The following RSRP1 variants were observed in gnomAD, a reference collection of about 807,000 sequenced individuals.
RSRP1 encodes arginine and serine rich protein 1, also known as arginine/serine-rich protein 1.
In RSRP1, 37 loss-of-function variants were observed where a neutral mutation model predicts 33.0. The observed-to-expected ratio is 1.12, with a 90% confidence interval of 0.86 to 1.48. The LOEUF is 1.48. Among genes scored for constraint, RSRP1 ranks in the 40% most tolerant of loss-of-function variants. The pLI is 0.00. For synonymous variants in RSRP1, 167 were observed against 158.7 expected (o/e 1.05, Z -0.40); for missense variants, 402 against 385.3 (o/e 1.04, Z -0.36).
At chr1:25,267,697 G>A (rs1571548890) in intron 1 of RSRP1, 1 of 132,464 alleles carries the variant, frequency 7.5e-6, no homozygotes, top group African/African-American at 2.6e-5. Flanking sequence ...CCACCCCTGA[G>A]AGGGCTGCGC....
rs1483730082 is a variant in RSRP1 at position 25,291,944 on chromosome 1, A to G, written c.-66-44915T>C. 1.5e-5 allele frequency among the ~76,000 whole-genome samples: 2 copies of G among 132,498 alleles called. 1 individual carries two copies. The highest frequency in any genetic ancestry group is 3.6e-5 in the Non-Finnish European group (2 of 55,876). The allele number at this position is 132,498 out of a possible 152,430, so 86.9% of individuals were successfully genotyped here. Reference sequence around the variant, plus strand: ...AGATCACATAGCAAGATAGTGGCAGAACCCAAGCGAGAACCCACAGTTCCA... The same window carrying G: ...AGATCACATAGCAAGATAGTGGCAGGACCCAAGCGAGAACCCACAGTTCCA... On this transcript the variant is annotated intron_variant, in intron 1 of 1. Transcript: ENST00000561867.
intron 1 of RSRP1, among the ~76,000 whole-genome samples, chr1:25,280,328 TG>T: frequency 8.3e-6 from 1 of 119,842 alleles, no homozygotes; most frequent in East Asian, 2.0e-4. Flanking sequence ...TTTTTTGAGC[TG>T]CAGTCTCACT....
chr1:25,244,197 C>A (rs1404699452), intron 3 of RSRP1: 2 of 1,289,036 alleles, frequency 1.6e-6, no homozygotes, highest in Non-Finnish European at 2.0e-6. Flanking sequence ...GTGAAGCAGG[C>A]CTCCTCTTCT....
At position 25,306,572 on chromosome 1, in the gene RSRP1, G is replaced by A; in HGVS notation, c.-67+31406C>T. 2.2e-6 allele frequency: 3 copies of A among 1,376,098 alleles called. 1 individual carries two copies. In the South Asian group the frequency reaches 3.5e-5, roughly 16 times the overall value. 85.2% of individuals were successfully genotyped at this position (1,376,098 alleles called of 1,614,324 possible). A position where few individuals can be genotyped will look rare whatever the true frequency, so the allele number is the denominator to read the frequency against. On this transcript the variant is annotated intron_variant, in intron 1 of 1. Transcript: ENST00000561867. ...GAATATGGGTCTCACCTGCCAATCT[G>A]CTTATAATAACACTTGTCCACAGGG...
intron 1 of RSRP1, among the ~76,000 whole-genome samples, chr1:25,287,025 G>A (rs1166257411): frequency 7.4e-6 from 1 of 134,776 alleles, no homozygotes; most frequent in East Asian, 1.9e-4. Context: ...CCCGGGAGGC[G>A]GAGGCTATAG....
At position 25,269,483 on chromosome 1, in the gene RSRP1, T is replaced by C. The variant is rs1163606285; in HGVS notation, c.-66-22454A>G. ...GTGCTTTTTTCCCAGCATTTTATTATGAAAAATTTCAAACATCTACCAAAA... is the reference window on the plus strand; with the variant it reads ...GTGCTTTTTTCCCAGCATTTTATTACGAAAAATTTCAAACATCTACCAAAA... On this transcript the variant is annotated intron_variant, in intron 1 of 1. Transcript: ENST00000561867. Among the ~76,000 whole-genome samples, 4 of 132,664 alleles carry C rather than the reference T, an allele frequency of 3.0e-5. 1 individual carries two copies. The highest frequency in any genetic ancestry group is 7.1e-5 in the Non-Finnish European group (4 of 55,982). 87.0% of individuals were successfully genotyped at this position (132,664 alleles called of 152,430 possible). A position where few individuals can be genotyped will look rare whatever the true frequency, so the allele number is the denominator to read the frequency against.
At position 25,244,956 on chromosome 1, in the gene RSRP1, C is replaced by T. The variant is rs897844185; in HGVS notation, c.672+194G>A. 8.0e-5 allele frequency: 116 copies of T among 1,447,846 alleles called. No individual in the cohort carries two copies. The African/African-American group carries it at 1.4e-3, about 18-fold the overall frequency. 89.7% of individuals were successfully genotyped at this position (1,447,846 alleles called of 1,614,324 possible). On this transcript the variant is annotated intron_variant, in intron 3 of 4. Transcript: ENST00000243189. ...CATTACAGGCATGAGGCACCATGCACGGCCAAATAAAGCTCATTAATCTCC... is the reference window on the plus strand; with the variant it reads ...CATTACAGGCATGAGGCACCATGCATGGCCAAATAAAGCTCATTAATCTCC...
intron 1 of RSRP1, chr1:25,290,871 A>T: frequency 7.8e-7 from 1 of 1,284,366 alleles, no homozygotes; most frequent in Non-Finnish European, 1.1e-6. Context: ...GGGTTTTGAA[A>T]AATAAAGACA....
chr1:25,264,212 C>T (rs1640249792), intron 1 of RSRP1, among the ~76,000 whole-genome samples: 2 of 152,086 alleles, frequency 1.3e-5, no homozygotes, highest in Non-Finnish European at 2.9e-5. Flanking sequence ...CTAGGTGGTG[C>T]CCCAGTAGGG....
At chr1:25,281,896 A>T (rs1268385302) in intron 1 of RSRP1, among the ~76,000 whole-genome samples, 1 of 132,364 alleles carries the variant, frequency 7.6e-6, no homozygotes, top group Non-Finnish European at 1.8e-5. Context: ...TGTATGTTTC[A>T]ATGGAAGTGA....
At chr1:25,321,341 C>G (rs984734257) in intron 1 of RSRP1, among the ~76,000 whole-genome samples, 2 of 109,322 alleles carry the variant, frequency 1.8e-5, no homozygotes, top group Admixed American at 1.8e-4. Context: ...ATTCCCAGTT[C>G]TTTTTTTCAA....
chr1:25,246,292 A>C, intron 2 of RSRP1, 152 bp downstream of exon 2: 1 of 1,254,746 alleles, frequency 8.0e-7, no homozygotes, highest in Admixed American at 2.3e-5. Flanking sequence ...CTGTCCACTT[A>C]AATACAGGTA....
intron 1 of RSRP1, chr1:25,307,904 T>C: frequency 9.6e-7 from 1 of 1,046,050 alleles, no homozygotes; most frequent in South Asian, 1.4e-5. Flanking sequence ...TGTCTGCCAC[T>C]GTCTTAATAA....
chr1:25,321,169 T>G (rs1390522062), intron 1 of RSRP1, among the ~76,000 whole-genome samples: 1 of 129,938 alleles, frequency 7.7e-6, no homozygotes, highest in Non-Finnish European at 1.8e-5. Context: ...TCCCAGGAGT[T>G]GACTGGAGCC....
rs1643611810 is a variant in RSRP1, at chr1:25,304,148, C to T, written c.-67+33830G>A. Among the ~76,000 whole-genome samples the T allele has an allele frequency of 2.4e-5, 2 of 81,724 alleles. 1 individual carries two copies. Among genetic ancestry groups the T allele is most frequent in the Non-Finnish European group, 5.9e-5 (2 of 34,018 alleles). The allele number at this position is 81,724 out of a possible 152,430, so 53.6% of individuals were successfully genotyped here. A position where few individuals can be genotyped will look rare whatever the true frequency, so the allele number is the denominator to read the frequency against. On this transcript the variant is annotated intron_variant, in intron 1 of 1. Coordinates refer to the RSRP1 transcript ENST00000561867. ...AATACTCAGCAAATCCTGATCGTTCCAGAATACTTCATTATAGCCAATTGG... is the reference window on the plus strand; with the variant it reads ...AATACTCAGCAAATCCTGATCGTTCTAGAATACTTCATTATAGCCAATTGG...
chr1:25,319,099 T>C lies in RSRP1; in HGVS notation c.-67+18879A>G, dbSNP rs1201097521. Among the ~76,000 whole-genome samples, 7 of 132,604 alleles carry C rather than the reference T, an allele frequency of 5.3e-5. 2 individuals carry two copies. Among genetic ancestry groups the C allele is most frequent in the African/African-American group, 1.8e-4 (7 of 38,886 alleles). The allele number at this position is 132,604 out of a possible 152,430, so 87.0% of individuals were successfully genotyped here. On this transcript the variant is annotated intron_variant, in intron 1 of 1. Transcript: ENST00000561867. ...TTTGAAATGAATTGGGTATCCTGCA[T>C]TTTATTTGGCAACCCTGTCCTGGGA...
chr1:25,261,330 T>C (rs1239226094), intron 1 of RSRP1, among the ~76,000 whole-genome samples: 4 of 152,160 alleles, frequency 2.6e-5, no homozygotes, highest in Admixed American at 1.3e-4. Context: ...TATGCATAAA[T>C]GTCCTCAGTG....
chr1:25,252,596 C>T (rs1487785724), intron 1 of RSRP1, among the ~76,000 whole-genome samples: 1 of 150,150 alleles, frequency 6.7e-6, no homozygotes, highest in South Asian at 2.1e-4. Flanking sequence ...TGCAATGGCA[C>T]GATCTCGGCT....
intron 1 of RSRP1, among the ~76,000 whole-genome samples, chr1:25,332,665 CAA>C (rs1295553235): frequency 7.6e-6 from 1 of 132,238 alleles, no homozygotes. Flanking sequence ...CAGCAGTAAA[CAA>C]ATGCATAAAG....
Sources: allele counts gnomAD v4.1 joint callset (sites outside exome capture counted in the v4.1 genomes callset), GRCh38; gene constraint gnomAD v4.1.1; transcripts MANE v1.5; gene names NCBI Gene and HGNC (gene_info 2026-07-23, HGNC 2026-07-21).